XKR6: variants seen among roughly 807,000 people sequenced by gnomAD.
The protein encoded by XKR6 is XK-related protein 6.
Under a neutral mutation model 56.7 loss-of-function variants are expected in XKR6, and 22 were observed. The observed-to-expected ratio is 0.39, with a 90% confidence interval of 0.28 to 0.55. The LOEUF is 0.55. Among genes scored for constraint, XKR6 ranks in the 20% least tolerant of loss-of-function variants. XKR6 has a pLI of 0.66. For missense variants in XKR6, 852 were observed against 889.0 expected (o/e 0.96, Z 0.53); for synonymous variants, 524 against 387.8 (o/e 1.35, Z -4.13).
At chr8:11,195,360 T>C (rs1803819552) in intron 1 of XKR6, 2 of 589,056 alleles carry the variant, frequency 3.4e-6, no homozygotes, top group Non-Finnish European at 6.0e-6. Flanking sequence ...CAACTGCTAA[T>C]ATCATGTTAA....
chr8:11,138,773 C>T (rs990755751), intron 1 of XKR6, among the ~76,000 whole-genome samples: 3 of 152,116 alleles, frequency 2.0e-5, no homozygotes, highest in Admixed American at 6.5e-5. Context: ...CAGTTAAATT[C>T]CCAGTCCTCT....
At chr8:11,022,131 G>A (rs966999210) in intron 1 of XKR6, among the ~76,000 whole-genome samples, 1 of 148,726 alleles carries the variant, frequency 6.7e-6, no homozygotes, top group African/African-American at 2.5e-5. Flanking sequence ...TCCACAGACA[G>A]TGCATCCTAG....
intron 1 of XKR6, among the ~76,000 whole-genome samples, chr8:11,178,552 A>ATATATATATATATATATATATG (rs1802784677): frequency 1.7e-5 from 2 of 117,222 alleles, no homozygotes; most frequent in Non-Finnish European, 3.1e-5. Context: ...GTAAAAATAT[A>ATATATATATATATATATATATG]TATATATATA....
chr8:11,121,212 T>C (rs914810029), intron 1 of XKR6, among the ~76,000 whole-genome samples: 4 of 152,054 alleles, frequency 2.6e-5, no homozygotes, highest in African/African-American at 9.7e-5. Flanking sequence ...TAAAGAGCTT[T>C]TGCACAGCAA....
intron 1 of XKR6, among the ~76,000 whole-genome samples, chr8:10,993,911 C>G (rs1346090379): frequency 6.6e-6 from 1 of 152,190 alleles, no homozygotes; most frequent in Non-Finnish European, 1.5e-5. Flanking sequence ...AGGGTAGGGC[C>G]TGGAGTGAAT....
intron 1 of XKR6, among the ~76,000 whole-genome samples, chr8:11,032,915 G>C (rs1385823357): frequency 6.6e-6 from 1 of 152,178 alleles, no homozygotes; most frequent in Non-Finnish European, 1.5e-5. Flanking sequence ...TAGTGATTGT[G>C]ACCATGAAGA....
chr8:11,139,282 A>G (rs1333905630), intron 1 of XKR6, among the ~76,000 whole-genome samples: 1 of 151,740 alleles, frequency 6.6e-6, no homozygotes, highest in Non-Finnish European at 1.5e-5. Flanking sequence ...GCAAAACCCA[A>G]AGTCAGACAT....
intron 1 of XKR6, among the ~76,000 whole-genome samples, chr8:10,938,587 T>C (rs1287286818): frequency 6.6e-6 from 1 of 152,118 alleles, no homozygotes; most frequent in African/African-American, 2.4e-5. Flanking sequence ...CCTAAAGGAG[T>C]GAAGTCTGTC....
intron 1 of XKR6, among the ~76,000 whole-genome samples, chr8:11,180,761 G>C (rs1023686695): frequency 2.0e-5 from 3 of 152,106 alleles, no homozygotes; most frequent in Non-Finnish European, 1.5e-5. Flanking sequence ...ATAAAAATTA[G>C]CCAGGTGTGG....
At chr8:11,064,834 C>A (rs1010383840) in intron 1 of XKR6, among the ~76,000 whole-genome samples, 9 of 152,200 alleles carry the variant, frequency 5.9e-5, no homozygotes, top group Non-Finnish European at 8.8e-5. Context: ...CTTATTGTCA[C>A]TGGGCACAAA....
At chr8:11,133,276 C>A (rs1159937877) in intron 1 of XKR6, among the ~76,000 whole-genome samples, 1 of 152,106 alleles carries the variant, frequency 6.6e-6, no homozygotes, top group Non-Finnish European at 1.5e-5. Flanking sequence ...TACAAAAATA[C>A]GGCGTCAGCT....
In XKR6 at chr8:10,898,920, C is replaced by T; in HGVS notation, c.962-4G>A. On this transcript the variant is annotated splice_polypyrimidine_tract_variant and splice_region_variant and intron_variant, in intron 2 of 2. Coordinates refer to ENST00000416569, the MANE Select transcript of XKR6 (RefSeq NM_173683.4). This position sits in a 1 kb window ranked among gnomAD's most constrained non-coding sequence, Gnocchi z 6.6. ...AGGGAAGTCACAGAGGAGACACCTGCCGGAAAGACACAAACCCACACAGTC... is the reference window on the plus strand; with the variant it reads ...AGGGAAGTCACAGAGGAGACACCTGTCGGAAAGACACAAACCCACACAGTC... 1 of 1,594,178 alleles carries T rather than the reference C, an allele frequency of 6.3e-7. No individual in the cohort carries two copies. The highest frequency in any genetic ancestry group is 1.7e-5 in the Admixed American group (1 of 58,236).
At chr8:10,959,067 C>A (rs140990812) in intron 1 of XKR6, among the ~76,000 whole-genome samples, 2 of 152,214 alleles carry the variant, frequency 1.3e-5, no homozygotes, top group Non-Finnish European at 2.9e-5. Flanking sequence ...CTCTGAGTTG[C>A]GACCACCTCT....
At chr8:11,035,159 C>T (rs780824489) in intron 1 of XKR6, 12 of 532,728 alleles carry the variant, frequency 2.3e-5, no homozygotes, top group South Asian at 1.5e-4. Context: ...TGACAAACAG[C>T]CAGTCTCGTG....
At chr8:10,935,427 C>T (rs1801181524) in intron 1 of XKR6, among the ~76,000 whole-genome samples, 1 of 105,252 alleles carries the variant, frequency 9.5e-6, no homozygotes, top group Non-Finnish European at 2.0e-5. Flanking sequence ...TTAGTTATTT[C>T]TTGCCTTCTG....
intron 1 of XKR6, among the ~76,000 whole-genome samples, chr8:11,083,437 C>T (rs1005545522): frequency 1.4e-4 from 22 of 152,176 alleles, no homozygotes; most frequent in African/African-American, 4.6e-4. Flanking sequence ...GCCCTCACAC[C>T]GATCGCCCCT....
intron 2 of XKR6, among the ~76,000 whole-genome samples, chr8:10,911,585 G>A (rs1800369866): frequency 6.9e-6 from 1 of 144,160 alleles, no homozygotes; most frequent in African/African-American, 2.6e-5. Flanking sequence ...GAGAGAGAGA[G>A]GAAGAGAGAG....
Position 11,201,739 on chromosome 8 carries a change from A to T in XKR6, c.-400T>A, listed in dbSNP as rs558318014. ...CGGCTGGCCCGAGTGAGGCGGTCCA[A>T]AGTGATCCCTGGAGGGGGCAGTGCC... On this transcript the variant is annotated 5_prime_UTR_variant, in exon 1 of 3. The change creates a new upstream start codon in the 5' untranslated region. Coordinates refer to ENST00000416569, the MANE Select transcript of XKR6 (RefSeq NM_173683.4). Among the ~76,000 whole-genome samples the T allele has an allele frequency of 6.6e-6, 1 of 152,178 alleles. No homozygotes were observed. Among genetic ancestry groups the T allele is most frequent in the African/African-American group, 2.4e-5 (1 of 41,450 alleles).
intron 1 of XKR6, among the ~76,000 whole-genome samples, chr8:10,959,422 C>G (rs748773339): frequency 6.6e-6 from 1 of 152,138 alleles, no homozygotes; most frequent in Non-Finnish European, 1.5e-5. Context: ...CAAAATACCC[C>G]TGGGTGGCTT....
Sources: gnomAD v4.1 joint callset for allele counts (sites outside exome capture counted in the v4.1 genomes callset) on GRCh38, gnomAD v4.1.1 for gene constraint, Gnocchi (gnomAD v3.1) non-coding constraint, MANE v1.5 for transcripts, NCBI Gene and HGNC (gene_info 2026-07-23, HGNC 2026-07-21) for gene names.